The following UBR1 variants were observed in gnomAD, a reference collection of about 807,000 sequenced individuals.
UBR1 encodes ubiquitin protein ligase E3 component n-recognin 1, also known as E3 ubiquitin-protein ligase UBR1.
A neutral mutation model predicts 242.1 loss-of-function variants in UBR1; 102 were observed. That is an observed-to-expected ratio of 0.42 (90% CI 0.36 to 0.50). The LOEUF (loss-of-function observed/expected upper bound fraction) is 0.50. UBR1 is among the 20% of genes least tolerant of loss of function. UBR1 has a pLI of 0.01. For synonymous variants in UBR1, 675 were observed against 684.8 expected (o/e 0.99, Z 0.22); for missense variants, 1,772 against 2,101.8 (o/e 0.84, Z 3.07).
intron 12 of UBR1, among the ~76,000 whole-genome samples, chr15:43,051,195 G>A (rs1454627468): frequency 1.3e-5 from 2 of 152,174 alleles, no homozygotes; most frequent in Admixed American, 1.3e-4. Flanking sequence ...GTGATAGACT[G>A]GATAAAGAAA....
chr15:42,969,269 T>C (rs1379660527), intron 40 of UBR1, among the ~76,000 whole-genome samples: 1 of 152,346 alleles, frequency 6.6e-6, no homozygotes, highest in Non-Finnish European at 1.5e-5. Flanking sequence ...TAATGACCAG[T>C]GATGATGAGC....
intron 3 of UBR1, among the ~76,000 whole-genome samples, chr15:43,080,597 A>G (rs2033964305): frequency 6.6e-6 from 1 of 152,182 alleles, no homozygotes; most frequent in African/African-American, 2.4e-5. Context: ...CAGTTTTTCC[A>G]TTCACCTACT....
At chr15:43,091,498 T>C (rs1021980925) in intron 1 of UBR1, among the ~76,000 whole-genome samples, 2 of 152,242 alleles carry the variant, frequency 1.3e-5, no homozygotes, top group African/African-American at 4.8e-5. Flanking sequence ...TTTTGCCTTC[T>C]TAATTTTTGC....
intron 33 of UBR1, among the ~76,000 whole-genome samples, chr15:42,990,669 C>T (rs1406538644): frequency 6.6e-6 from 1 of 152,080 alleles, no homozygotes; most frequent in Non-Finnish European, 1.5e-5. Flanking sequence ...TGCATCTTGC[C>T]TTTGCACCTA....
chr15:43,002,975 T>C (rs1157383275), intron 31 of UBR1, among the ~76,000 whole-genome samples: 2 of 152,214 alleles, frequency 1.3e-5, no homozygotes, highest in African/African-American at 2.4e-5. Context: ...AACAGCATGG[T>C]GATACAGCAT....
chr15:43,041,678 G>A (rs114242415), intron 15 of UBR1, among the ~76,000 whole-genome samples: 4,622 of 152,168 alleles, frequency 0.03, 225 homozygotes, highest in African/African-American at 0.1. Flanking sequence ...AAAGAAAAAA[G>A]TAGATAAATT....
Position 42,984,838 on chromosome 15 carries a change from GA to G in UBR1, c.4053+48del, listed in dbSNP as rs200918479. The stretch of plus-strand genomic sequence containing the variant: ...GTTTTTAATAATAAACTGTGGGGGG[GA>G]AAAAAGGCATGCCATGAGTTACATG... On this transcript the variant is annotated intron_variant, in intron 36 of 46. Coordinates refer to ENST00000290650, the MANE Select transcript of UBR1 (RefSeq NM_174916.3). 4.5e-4 allele frequency: 675 copies of G among 1,493,278 alleles called. 3 individuals are homozygous for G. The African/African-American group carries it at 4.6e-3, about 10-fold the overall frequency. The allele number at this position is 1,493,278 out of a possible 1,614,324, so 92.5% of individuals were successfully genotyped here.
chr15:42,990,070 A>G lies in UBR1; in HGVS notation c.3808T>C (p.Leu1270=), dbSNP rs1367273140. The change falls in exon 34 of 47, where the codon TTG becomes CTG. Residue 1270 remains leucine (L), a synonymous_variant. Coordinates refer to ENST00000290650, the MANE Select transcript of UBR1 (RefSeq NM_174916.3). ...FFNQGMGDST[L]EFHSILSFGV... is the part of the protein sequence containing the mutation. ...AAACTCAGGATGGAATGGAACTCCA[A>G]AGTAGAATCTCCCATTCCTTGATTA... The G allele has an allele frequency of 1.9e-6, 3 of 1,609,134 alleles. No homozygotes were observed. Among genetic ancestry groups the G allele is most frequent in the South Asian group, 1.1e-5 (1 of 90,252 alleles).
At chr15:42,975,689 T>A (rs767158046) in intron 39 of UBR1, among the ~76,000 whole-genome samples, 63 of 149,314 alleles carry the variant, frequency 4.2e-4, no homozygotes, top group Non-Finnish European at 8.0e-4. Flanking sequence ...TTGCTTTGGG[T>A]TTTTTTTTTC....
chr15:42,992,548 G>A (rs1465476694), intron 33 of UBR1, among the ~76,000 whole-genome samples: 3 of 152,196 alleles, frequency 2.0e-5, no homozygotes, highest in African/African-American at 7.2e-5. Flanking sequence ...TACTCCTCGG[G>A]GGGTTAGCCT....
In UBR1 at chr15:42,976,870, A is replaced by G. The variant is rs780001296; in HGVS notation, c.4219-3T>C. On this transcript the variant is annotated splice_region_variant and splice_polypyrimidine_tract_variant and intron_variant, in intron 38 of 46. Coordinates refer to ENST00000290650, the MANE Select transcript of UBR1 (RefSeq NM_174916.3). ...GGGAATGCTAACACAGCACCCACCT[A>G]TGAGAGAAAAATGGACATCAATATG... The G allele has an allele frequency of 5.0e-6, 8 of 1,613,122 alleles. No homozygotes were observed. The African/African-American group carries it at 5.3e-5, about 11-fold the overall frequency.
chr15:42,977,462 C>A (rs912527739), intron 38 of UBR1, among the ~76,000 whole-genome samples: 1 of 152,190 alleles, frequency 6.6e-6, no homozygotes, highest in Admixed American at 6.5e-5. Context: ...GCCATCCATC[C>A]ATAGGTGTTT....
chr15:43,054,673 T>C, intron 12 of UBR1, 69 bp downstream of exon 12: 3 of 1,553,626 alleles, frequency 1.9e-6, no homozygotes, highest in Admixed American at 1.7e-5. Flanking sequence ...ACAGGATTAC[T>C]TATAAGACAC....
chr15:43,024,213 G>A (rs1470954080), intron 25 of UBR1, among the ~76,000 whole-genome samples: 3 of 152,166 alleles, frequency 2.0e-5, no homozygotes, highest in Non-Finnish European at 4.4e-5. Flanking sequence ...GCACACATAT[G>A]GCAATGACAG....
At chr15:42,985,981 C>T (rs1423023036) in intron 35 of UBR1, among the ~76,000 whole-genome samples, 1 of 138,670 alleles carries the variant, frequency 7.2e-6, no homozygotes, top group African/African-American at 2.7e-5. Flanking sequence ...CAAAGTGAGA[C>T]CCTGTCTCAA....
At chr15:43,018,805 C>A (rs1567127482) in intron 27 of UBR1, among the ~76,000 whole-genome samples, 1 of 152,178 alleles carries the variant, frequency 6.6e-6, no homozygotes, top group Non-Finnish European at 1.5e-5. Flanking sequence ...ATGTTTTTAA[C>A]AGCAGATACA....
chr15:42,969,502 C>A (rs1423820809), intron 40 of UBR1, among the ~76,000 whole-genome samples: 2 of 152,160 alleles, frequency 1.3e-5, no homozygotes, highest in African/African-American at 4.8e-5. Flanking sequence ...TTTTGCTGTG[C>A]AGAGGCTCTT....
At chr15:42,950,745 T>A (rs1433818250) in intron 45 of UBR1, among the ~76,000 whole-genome samples, 1 of 152,104 alleles carries the variant, frequency 6.6e-6, no homozygotes, top group Admixed American at 6.5e-5. Context: ...CAGAATCACA[T>A]CTCCTAGTCT....
At chr15:43,037,006 C>T (rs1218864133) in intron 17 of UBR1, among the ~76,000 whole-genome samples, 1 of 151,116 alleles carries the variant, frequency 6.6e-6, no homozygotes, top group Non-Finnish European at 1.5e-5. Context: ...CGCATAATAC[C>T]ATTTTTCTTC....
Sources: gnomAD v4.1 joint callset for allele counts (sites outside exome capture counted in the v4.1 genomes callset) on GRCh38, gnomAD v4.1.1 for gene constraint, MANE v1.5 for transcripts, NCBI Gene and HGNC (gene_info 2026-07-23, HGNC 2026-07-21) for gene names.